Variants in PDGFB observed in about 807,000 individuals in gnomAD.
The protein encoded by PDGFB is platelet-derived growth factor subunit B.
PDGFB carries 6 observed loss-of-function variants against 29.0 expected under a neutral mutation model. The ratio of observed to expected loss-of-function variants is 0.21; its 90% confidence interval spans 0.11 to 0.41. PDGFB has a LOEUF of 0.41. Ranked by LOEUF, PDGFB falls within the 10% of genes least tolerant of loss-of-function variation. The pLI, the probability that PDGFB is intolerant of heterozygous loss-of-function variation, is 1.00. For missense variants in PDGFB, 299 were observed against 341.8 expected, an observed-to-expected ratio of 0.87 and a Z score of 0.99; for synonymous variants, 144 against 140.8, an observed-to-expected ratio of 1.02 and a Z score of -0.16.
chr22:39,226,654 T>G (rs996084136), intron 5 of PDGFB, among the ~76,000 whole-genome samples: 2 of 152,228 alleles, frequency 1.3e-5, no homozygotes, highest in African/African-American at 4.8e-5. Context: ...ACTCACTTTT[T>G]TTTCTTATTT....
chr22:39,230,795 G>T (rs1270996374), intron 4 of PDGFB, among the ~76,000 whole-genome samples: 1 of 152,268 alleles, frequency 6.6e-6, no homozygotes, highest in Non-Finnish European at 1.5e-5. Flanking sequence ...GGCAGGAGAA[G>T]GAAGTGCGGC....
chr22:39,231,805 C>T lies in PDGFB; in HGVS notation c.273G>A (p.Pro91=), dbSNP rs548805136. The T allele has an allele frequency of 2.0e-5, 32 of 1,613,414 alleles. No homozygotes were observed. The highest frequency in any genetic ancestry group is 9.3e-5 in the African/African-American group (7 of 75,054). The change falls in exon 4 of 7, where the codon CCG becomes CCA. Residue 91 remains proline, a synonymous_variant. Transcript: ENST00000331163. The surrounding 1 kb of genome is among the most constrained non-coding windows in gnomAD (Gnocchi z 4.3). ...GCGTCTTGCACTCGGCGATCATGGC[C>T]GGCTCAGCAATGGTCAGGGAACCTG... ...RSLGSLTIAE[P]AMIAECKTRT...
Position 39,233,536 on chromosome 22 carries a change from G to C in PDGFB, c.161-12C>G, listed in dbSNP as rs753932320. On this transcript the variant is annotated splice_polypyrimidine_tract_variant and intron_variant, in intron 2 of 6. Transcript: ENST00000331163. ...GGCCCCATCTTCCTCTGCAGGAGAA[G>C]TCACAGTCAGACACCAGGCGGCCCC... 3.2e-6 allele frequency: 5 copies of C among 1,574,008 alleles called. No homozygotes were observed. Among genetic ancestry groups the C allele is most frequent in the Non-Finnish European group, 4.3e-6 (5 of 1,162,180 alleles).
rs892369429 is a variant in PDGFB, at chr22:39,243,216, A to G, written c.63+685T>C. Among the ~76,000 whole-genome samples, 13 of 140,944 alleles carry G rather than the reference A, an allele frequency of 9.2e-5. No homozygotes were observed. The highest frequency in any genetic ancestry group is 1.6e-4 in the African/African-American group (6 of 36,544). The allele number at this position is 140,944 out of a possible 152,430, so 92.5% of individuals were successfully genotyped here. A position where few individuals can be genotyped will look rare whatever the true frequency, so the allele number is the denominator to read the frequency against. ...GTGCCCGAAACCTACCTGCGTCTCT[A>G]TCTTTCTCTCCCTCTCTCTCTCCGT... On this transcript the variant is annotated intron_variant, in intron 1 of 6. Transcript: ENST00000331163. The surrounding 1 kb of genome is among the most constrained non-coding windows in gnomAD (Gnocchi z 6.4).
At chr22:39,227,021 C>T (rs1031131746) in intron 5 of PDGFB, among the ~76,000 whole-genome samples, 6 of 152,246 alleles carry the variant, frequency 3.9e-5, no homozygotes, top group Non-Finnish European at 5.9e-5. Context: ...TGCAGTGGCG[C>T]GATCTCAGCT....
chr22:39,229,347 T>C (rs1231571995), intron 5 of PDGFB, among the ~76,000 whole-genome samples: 2 of 152,150 alleles, frequency 1.3e-5, no homozygotes, highest in East Asian at 3.9e-4. Context: ...CCGCTATGCC[T>C]GGCTAATTTT....
chr22:39,240,841 G>A, intron 1 of PDGFB: 2 of 1,613,546 alleles, frequency 1.2e-6, no homozygotes, highest in Non-Finnish European at 1.7e-6. Flanking sequence ...GACAAGACGT[G>A]GAGAGGTACT....
chr22:39,240,900 CT>C, intron 1 of PDGFB: 1 of 1,597,004 alleles, frequency 6.3e-7, no homozygotes, highest in Non-Finnish European at 8.6e-7. Context: ...GTCAGTCTCT[CT>C]CTCTCTCTCT....
chr22:39,236,580 G>A (rs747108668), intron 1 of PDGFB, among the ~76,000 whole-genome samples: 9 of 152,082 alleles, frequency 5.9e-5, no homozygotes, highest in African/African-American at 9.7e-5. Flanking sequence ...AAACATACTC[G>A]AAACCTGATA....
Position 39,242,767 on chromosome 22 carries a change from AG to A in PDGFB, c.63+1133del, listed in dbSNP as rs1932598277. 6.6e-6 allele frequency among the ~76,000 whole-genome samples: 1 copy of A among 151,880 alleles called. No individual in the cohort carries two copies. Among genetic ancestry groups the A allele is most frequent in the African/African-American group, 2.4e-5 (1 of 41,376 alleles). On this transcript the variant is annotated intron_variant, in intron 1 of 6. Coordinates refer to ENST00000331163, the MANE Select transcript of PDGFB (RefSeq NM_002608.4). The surrounding 1 kb of genome is among the most constrained non-coding windows in gnomAD (Gnocchi z 5.7). ...CTTCCTGCGCCTGGCTGGAGGCCGC[AG>A]GGGCCGACCCTCCCCGGGAGCCGGC...
chr22:39,230,107 G>A lies in PDGFB; in HGVS notation c.578C>T (p.Pro193Leu), dbSNP rs768337269. The change falls in exon 5 of 7, where the codon CCG becomes CTG. Residue 193 changes from proline to leucine, a missense_variant. Physicochemically the swap from Pro to Leu is moderately conservative, Grantham distance 98. Transcript: ENST00000331163. ...ACCTCGCTGCTCCTGGGAACCCCCC[G>A]GGCTTCGGGTCACAGGCCGTGCAGC... ...VAAARPVTRS[P>L]GGSQEQRAKT... The A allele has an allele frequency of 1.7e-5, 27 of 1,613,684 alleles. No individual in the cohort carries two copies. The highest frequency in any genetic ancestry group is 5.0e-5 in the Admixed American group (3 of 60,000).
chr22:39,227,423 A>G (rs1932194797), intron 5 of PDGFB, among the ~76,000 whole-genome samples: 1 of 152,244 alleles, frequency 6.6e-6, no homozygotes, highest in African/African-American at 2.4e-5. Context: ...CAGAGAAGAC[A>G]GCAGCCCTGG....
Position 39,244,690 on chromosome 22 carries a change from T to C in PDGFB, c.-727A>G, listed in dbSNP as rs923506170. ...CGCGGCGCGAGTCCGTCGGTCCGTC[T>C]GCCCGCCCGCTCGCCGCTCTGGGCG... On this transcript the variant is annotated 5_prime_UTR_variant, in exon 1 of 7. Coordinates refer to ENST00000331163, the MANE Select transcript of PDGFB (RefSeq NM_002608.4). The surrounding 1 kb of genome is among the most constrained non-coding windows in gnomAD (Gnocchi z 4.5). The C allele has an allele frequency of 1.7e-5, 3 of 176,204 alleles. No homozygotes were observed. Among genetic ancestry groups the C allele is most frequent in the East Asian group, 1.8e-4 (2 of 10,944 alleles). The allele number at this position is 176,204 out of a possible 1,614,324, so 10.9% of individuals were successfully genotyped here.
In PDGFB at chr22:39,243,809, C is replaced by CAA. The variant is rs1932627800; in HGVS notation, c.63+90_63+91dup. On this transcript the variant is annotated intron_variant, in intron 1 of 6. Transcript: ENST00000331163. This position sits in a 1 kb window ranked among gnomAD's most constrained non-coding sequence, Gnocchi z 6.4. ...GTCAGGCTCGCGGGCTGCAAGGGTC[C>CAA]AAAGTTCACTGCAGGGAGAGGAGGG... The CAA allele has an allele frequency of 9.2e-7, 1 of 1,087,036 alleles. No individual in the cohort carries two copies. The highest frequency in any genetic ancestry group is 1.3e-6 in the Non-Finnish European group (1 of 747,984). 67.3% of individuals were successfully genotyped at this position (1,087,036 alleles called of 1,614,324 possible). A position where few individuals can be genotyped will look rare whatever the true frequency, so the allele number is the denominator to read the frequency against.
chr22:39,228,713 ACC>A (rs1274406558), intron 5 of PDGFB, among the ~76,000 whole-genome samples: 1 of 152,000 alleles, frequency 6.6e-6, no homozygotes, highest in African/African-American at 2.4e-5. Flanking sequence ...ACATGGTGAA[ACC>A]CCGTTTCTAC....
At chr22:39,227,766 GGCCA>G (rs1932202500) in intron 5 of PDGFB, among the ~76,000 whole-genome samples, 1 of 152,188 alleles carries the variant, frequency 6.6e-6, no homozygotes, top group African/African-American at 2.4e-5. Context: ...CTGAGCTCAA[GGCCA>G]GCCATTTCCT....
At position 39,243,536 on chromosome 22, in the gene PDGFB, C is replaced by G. The variant is rs936720372; in HGVS notation, c.63+365G>C. 6.6e-6 allele frequency among the ~76,000 whole-genome samples: 1 copy of G among 152,162 alleles called. No individual in the cohort carries two copies. The highest frequency in any genetic ancestry group is 1.5e-5 in the Non-Finnish European group (1 of 68,018). ...GCCGAGGCTGGCGCCGAAGTGGGCT[C>G]GGGAGGACGCGCTGCCTTCTGCACC... is the stretch of plus-strand genomic sequence containing the variant. On this transcript the variant is annotated intron_variant, in intron 1 of 6. Coordinates refer to ENST00000331163, the MANE Select transcript of PDGFB (RefSeq NM_002608.4). This position sits in a 1 kb window ranked among gnomAD's most constrained non-coding sequence, Gnocchi z 6.4.
At chr22:39,235,967 T>A in intron 1 of PDGFB, 93 bp from the exon 2 acceptor site, 1 of 846,218 alleles carries the variant, frequency 1.2e-6, no homozygotes, top group Non-Finnish European at 1.9e-6. Flanking sequence ...CGCTTTCTCC[T>A]GTGGAAAGCT....
intron 5 of PDGFB, among the ~76,000 whole-genome samples, chr22:39,228,643 C>A (rs1226537162): frequency 6.6e-6 from 1 of 152,142 alleles, no homozygotes; most frequent in East Asian, 1.9e-4. Flanking sequence ...AATCCCAGCA[C>A]TTTGGGAGGC....
Sources: gnomAD v4.1 joint callset for allele counts (sites outside exome capture counted in the v4.1 genomes callset) on GRCh38, gnomAD v4.1.1 for gene constraint, Gnocchi (gnomAD v3.1) non-coding constraint, MANE v1.5 for transcripts, NCBI Gene and HGNC (gene_info 2026-07-23, HGNC 2026-07-21) for gene names.